Variants in GABRB2 observed in about 807,000 individuals in gnomAD.
The protein encoded by GABRB2 is gamma-aminobutyric acid type A receptor subunit beta2, also known as gamma-aminobutyric acid receptor subunit beta-2.
A neutral mutation model predicts 54.7 loss-of-function variants in GABRB2; 16 were observed. The ratio of observed to expected loss-of-function variants is 0.29; its 90% CI spans 0.20 to 0.44. The LOEUF (loss-of-function observed/expected upper bound fraction) is 0.44. Among genes scored for constraint, GABRB2 ranks in the 20% least tolerant of loss-of-function variants. The pLI, the probability that GABRB2 is intolerant of heterozygous loss-of-function variation, is 1.00. For synonymous variants in GABRB2, 244 were observed against 233.8 expected, an observed-to-expected ratio of 1.04 and a Z score of -0.40; for missense variants, 355 against 644.0, an observed-to-expected ratio of 0.55 and a Z score of 4.86.
intron 5 of GABRB2, among the ~76,000 whole-genome samples, chr5:161,405,471 A>G (rs563692414): frequency 6.6e-4 from 100 of 152,188 alleles, no homozygotes; most frequent in African/African-American, 2.3e-3. Context: ...TACAAATGAG[A>G]AACTGCAGCT....
chr5:161,384,708 G>C (rs1201833813), intron 5 of GABRB2, among the ~76,000 whole-genome samples: 2 of 152,138 alleles, frequency 1.3e-5, no homozygotes, highest in Non-Finnish European at 2.9e-5. Flanking sequence ...CAACATAAGA[G>C]AGTTTTCTTA....
chr5:161,315,755 A>C (rs1758010181), intron 9 of GABRB2, among the ~76,000 whole-genome samples: 1 of 152,192 alleles, frequency 6.6e-6, no homozygotes. Context: ...AGAGAAATCA[A>C]CCACCTCAAA....
At chr5:161,406,663 C>T (rs1322637826) in intron 5 of GABRB2, among the ~76,000 whole-genome samples, 3 of 151,990 alleles carry the variant, frequency 2.0e-5, no homozygotes, top group Non-Finnish European at 4.4e-5. Flanking sequence ...TTCCATTTTA[C>T]CCCTGAAGAA....
chr5:161,446,274 G>GATT (rs1250608591), intron 4 of GABRB2, among the ~76,000 whole-genome samples: 3 of 152,034 alleles, frequency 2.0e-5, no homozygotes, highest in African/African-American at 4.8e-5. Flanking sequence ...TGACTGGATG[G>GATT]ATTGATGGAT....
intron 4 of GABRB2, among the ~76,000 whole-genome samples, chr5:161,437,475 GC>G (rs1757345213): frequency 6.6e-6 from 1 of 151,990 alleles, no homozygotes; most frequent in African/African-American, 2.4e-5. Context: ...GACCCTTTGG[GC>G]CCTGACTAAC....
At position 161,294,237 on chromosome 5, in the gene GABRB2, C is replaced by T. The variant is rs536960677; in HGVS notation, c.1383G>A (p.Ala461=). 93 of 1,614,136 alleles carry T rather than the reference C, an allele frequency of 5.8e-5. No homozygotes were observed. Among genetic ancestry groups the T allele is most frequent in the South Asian group, 3.7e-4 (34 of 91,086 alleles). Reference sequence around the variant, plus strand: ...GTCTCCTCAGGCGACTTTTCTTTTGCGCCACATGTCGTTCCAGAGCATTTC... The same window carrying T: ...GTCTCCTCAGGCGACTTTTCTTTTGTGCCACATGTCGTTCCAGAGCATTTC... ...FGRNALERHV[A]QKKSRLRRRA... The change falls in exon 10 of 10, where the codon GCG becomes GCA. Residue 461 remains alanine (A), a synonymous_variant. Coordinates refer to ENST00000393959, the MANE Select transcript of GABRB2 (RefSeq NM_001371727.1).
In GABRB2 at chr5:161,326,517, G is replaced by A. The variant is rs752933628; in HGVS notation, c.1078-36C>T. ...AAGTAGAGAATGTGCTAATTAAGTC[G>A]ATTGATGCTACTAGATTAGGCCTGA... On this transcript the variant is annotated intron_variant, in intron 8 of 9. Transcript: ENST00000393959. 9 of 1,602,098 alleles carry A rather than the reference G, an allele frequency of 5.6e-6. No individual in the cohort carries two copies. In the Admixed American group the frequency reaches 6.8e-5, roughly 12 times the overall value.
At chr5:161,400,155 A>G (rs1756139104) in intron 5 of GABRB2, among the ~76,000 whole-genome samples, 1 of 152,234 alleles carries the variant, frequency 6.6e-6, no homozygotes, top group Admixed American at 6.5e-5. Context: ...ATGGGCTGCA[A>G]CTATCAAACA....
At chr5:161,325,208 C>T (rs1220334516) in intron 9 of GABRB2, among the ~76,000 whole-genome samples, 4 of 151,848 alleles carry the variant, frequency 2.6e-5, no homozygotes, top group East Asian at 3.9e-4. Flanking sequence ...TTTCAACAAG[C>T]GTAACTAAAG....
intron 5 of GABRB2, among the ~76,000 whole-genome samples, chr5:161,354,140 C>T (rs1440076698): frequency 1.3e-5 from 2 of 152,006 alleles, no homozygotes; most frequent in Non-Finnish European, 2.9e-5. Flanking sequence ...ACCAAATCAC[C>T]TATAGAACCT....
rs891642209 is a variant in GABRB2, at chr5:161,453,738, A to T, written c.458+5886T>A. 2.8e-5 allele frequency among the ~76,000 whole-genome samples: 4 copies of T among 145,230 alleles called. No individual in the cohort carries two copies. In the South Asian group the frequency reaches 6.4e-4, roughly 23 times the overall value. On this transcript the variant is annotated intron_variant, in intron 4 of 9. Coordinates refer to ENST00000393959, the MANE Select transcript of GABRB2 (RefSeq NM_001371727.1). ...AACTGCAATTTTAAGCTTTTTTAAT[A>T]AAAAAAAGAAGCACTTGGCCTAGCA... is the stretch of plus-strand genomic sequence containing the variant.
At chr5:161,404,189 C>T (rs1318414206) in intron 5 of GABRB2, among the ~76,000 whole-genome samples, 1 of 152,078 alleles carries the variant, frequency 6.6e-6, no homozygotes, top group African/African-American at 2.4e-5. Context: ...ACTGTTAAAC[C>T]AAGACCACAT....
intron 3 of GABRB2, among the ~76,000 whole-genome samples, chr5:161,465,183 A>G (rs80290674): frequency 0.044 from 6,655 of 152,152 alleles, 173 homozygotes; most frequent in Middle Eastern, 0.092. Flanking sequence ...GCCTGTTTCC[A>G]AGTCAAAAGA....
chr5:161,466,277 T>C (rs1193555372), intron 3 of GABRB2, among the ~76,000 whole-genome samples: 2 of 152,096 alleles, frequency 1.3e-5, no homozygotes, highest in Admixed American at 1.3e-4. Flanking sequence ...TCTTGAATCG[T>C]TGGTTAAGGT....
At chr5:161,519,254 T>C (rs184038542) in intron 3 of GABRB2, among the ~76,000 whole-genome samples, 10 of 152,318 alleles carry the variant, frequency 6.6e-5, no homozygotes, top group African/African-American at 2.2e-4. Context: ...CATGCACACA[T>C]ATAGACTCAC....
At position 161,289,700 on chromosome 5, in the gene GABRB2, T is replaced by C. The variant is rs1757183831; in HGVS notation, c.*4381A>G. 6.6e-6 allele frequency: 1 copy of C among 152,070 alleles called. No homozygotes were observed. Among genetic ancestry groups the C allele is most frequent in the South Asian group, 2.1e-4 (1 of 4,822 alleles). The allele number at this position is 152,070 out of a possible 1,614,324, so 9.4% of individuals were successfully genotyped here. ...AATTGCCATTTCAAAGGCTATCTCT[T>C]GTTTGTTATATTGACTACATAAATA... is the stretch of plus-strand genomic sequence containing the variant. On this transcript the variant is annotated 3_prime_UTR_variant, in exon 10 of 10. Transcript: ENST00000393959.
intron 3 of GABRB2, among the ~76,000 whole-genome samples, chr5:161,488,787 C>A (rs558432933): frequency 2.6e-5 from 4 of 151,520 alleles, no homozygotes; most frequent in Non-Finnish European, 4.4e-5. Context: ...TGGTTCCTTT[C>A]TGAGAAAAAA....
At chr5:161,432,104 G>A (rs1367349909) in intron 4 of GABRB2, among the ~76,000 whole-genome samples, 1 of 152,166 alleles carries the variant, frequency 6.6e-6, no homozygotes, top group Non-Finnish European at 1.5e-5. Flanking sequence ...AACAATGTGA[G>A]CCTGAATGCC....
chr5:161,347,985 A>G (rs988647301), intron 5 of GABRB2, among the ~76,000 whole-genome samples: 3 of 152,108 alleles, frequency 2.0e-5, no homozygotes, highest in South Asian at 4.1e-4. Flanking sequence ...ATATGACATA[A>G]CACAAATCAG....
Sources: allele counts gnomAD v4.1 joint callset (sites outside exome capture counted in the v4.1 genomes callset), GRCh38; gene constraint gnomAD v4.1.1; transcripts MANE v1.5; gene names NCBI Gene and HGNC (gene_info 2026-07-23, HGNC 2026-07-21).